The following ZNF385D variants were observed in gnomAD, a reference collection of about 807,000 sequenced individuals.
The protein encoded by ZNF385D is zinc finger protein 659.
In ZNF385D, 15 loss-of-function variants were observed where a neutral mutation model predicts 35.8. The ratio of observed to expected loss-of-function variants is 0.42; its 90% confidence interval spans 0.28 to 0.64. The LOEUF (loss-of-function observed/expected upper bound fraction) is 0.64, where lower values mean the gene tolerates loss of function less well. ZNF385D is among the 30% of genes least tolerant of loss of function. The probability of loss-of-function intolerance (pLI) is 0.23; values close to 1 mark genes in which losing one functional copy is unlikely to be tolerated. For missense variants in ZNF385D, 474 were observed against 494.6 expected (o/e 0.96, Z 0.39); for synonymous variants, 212 against 186.8 (o/e 1.13, Z -1.10).
intron 3 of ZNF385D, among the ~76,000 whole-genome samples, chr3:22,043,621 T>TTCTAGCAGAGGAGAGAGGTAGGTAAC (rs61143518): frequency 0.13 from 20,382 of 151,766 alleles, 1,446 homozygotes; most frequent in South Asian, 0.26. Flanking sequence ...CTGCCTTCTC[T>TTCTAGCAGAGGAGAGAGGTAGGTAAC]TCTAGCAGAG....
chr3:22,058,898 G>A (rs1292522195), intron 3 of ZNF385D, among the ~76,000 whole-genome samples: 1 of 152,172 alleles, frequency 6.6e-6, no homozygotes, highest in Non-Finnish European at 1.5e-5. Context: ...GAAGTTTGGT[G>A]TCTTCTCTTA....
intron 3 of ZNF385D, among the ~76,000 whole-genome samples, chr3:22,118,857 T>C (rs1702941522): frequency 6.6e-6 from 1 of 152,148 alleles, no homozygotes; most frequent in Admixed American, 6.6e-5. Context: ...TTTGAGCATT[T>C]CACATGTACT....
chr3:22,244,966 G>C (rs527869367), intron 2 of ZNF385D, among the ~76,000 whole-genome samples: 1 of 152,116 alleles, frequency 6.6e-6, no homozygotes, highest in South Asian at 2.1e-4. Flanking sequence ...GGCATAGCCT[G>C]GTTCCAAATG....
chr3:22,129,146 A>C (rs945423972), intron 3 of ZNF385D, among the ~76,000 whole-genome samples: 1 of 152,100 alleles, frequency 6.6e-6, no homozygotes, highest in African/African-American at 2.4e-5. Context: ...ATTACATGGG[A>C]GAGTCTCTTG....
At chr3:22,168,681 T>C (rs1559423792) in intron 3 of ZNF385D, 2 of 419,390 alleles carry the variant, frequency 4.8e-6, no homozygotes, top group South Asian at 1.0e-4. Flanking sequence ...TTTAATGTAC[T>C]CTGCTGATAA....
At chr3:21,973,517 G>T (rs111275448) in intron 3 of ZNF385D, among the ~76,000 whole-genome samples, 3 of 151,996 alleles carry the variant, frequency 2.0e-5, no homozygotes, top group African/African-American at 7.2e-5. Flanking sequence ...ATGAGACAAG[G>T]ATGCCCACTT....
chr3:22,130,259 G>C (rs557483512), intron 3 of ZNF385D, among the ~76,000 whole-genome samples: 1 of 152,260 alleles, frequency 6.6e-6, no homozygotes, highest in Admixed American at 6.5e-5. Flanking sequence ...GCCTAAAGTT[G>C]GGAGAAGGGT....
intron 2 of ZNF385D, among the ~76,000 whole-genome samples, chr3:21,613,113 G>A (rs938791806): frequency 2.6e-5 from 4 of 151,374 alleles, no homozygotes; most frequent in African/African-American, 9.7e-5. Context: ...TTCAAGGTGA[G>A]TTAGAAAGTG....
At chr3:22,307,206 G>C (rs1057140806) in intron 2 of ZNF385D, among the ~76,000 whole-genome samples, 1 of 152,142 alleles carries the variant, frequency 6.6e-6, no homozygotes, top group African/African-American at 2.4e-5. Flanking sequence ...TGGTGGGGTG[G>C]GGAGGTGGGA....
intron 2 of ZNF385D, among the ~76,000 whole-genome samples, chr3:22,294,399 T>C (rs1169754807): frequency 6.6e-6 from 1 of 152,112 alleles, no homozygotes; most frequent in Admixed American, 6.6e-5. Context: ...ACTGTTCCTA[T>C]GAATATACTT....
intron 3 of ZNF385D, among the ~76,000 whole-genome samples, chr3:22,140,577 A>G (rs1231270252): frequency 1.3e-5 from 2 of 152,222 alleles, no homozygotes; most frequent in Non-Finnish European, 2.9e-5. Context: ...TTGTAGTTTA[A>G]TAGTATACCA....
intron 3 of ZNF385D, among the ~76,000 whole-genome samples, chr3:21,768,032 C>A (rs529083855): frequency 1.7e-4 from 26 of 152,140 alleles, no homozygotes; most frequent in Non-Finnish European, 3.2e-4. Flanking sequence ...GGAACTGTAA[C>A]AACATGCACT....
chr3:21,412,734 A>T lies in ZNF385D; in HGVS notation c.*8480T>A, dbSNP rs1294373470. 1.3e-5 allele frequency: 2 copies of T among 152,106 alleles called. No homozygotes were observed. The highest frequency in any genetic ancestry group is 4.8e-5 in the African/African-American group (2 of 41,436). The allele number at this position is 152,106 out of a possible 1,614,324, so 9.4% of individuals were successfully genotyped here. A position where few individuals can be genotyped will look rare whatever the true frequency, so the allele number is the denominator to read the frequency against. On this transcript the variant is annotated 3_prime_UTR_variant, in exon 8 of 8. Transcript: ENST00000281523. ...TCACTGGTGTCTTTCTTTTACTAAAACTGAAAATTCATCTTAAAGAATTCC... is the reference window on the plus strand; with the variant it reads ...TCACTGGTGTCTTTCTTTTACTAAATCTGAAAATTCATCTTAAAGAATTCC...
At chr3:22,266,080 C>T (rs150595591) in intron 2 of ZNF385D, among the ~76,000 whole-genome samples, 4 of 152,028 alleles carry the variant, frequency 2.6e-5, no homozygotes, top group African/African-American at 9.6e-5. Context: ...ACTCCTACAG[C>T]CCTGGAATTT....
chr3:21,918,957 CA>C (rs1700324333), intron 3 of ZNF385D, among the ~76,000 whole-genome samples: 1 of 152,130 alleles, frequency 6.6e-6, no homozygotes. Context: ...AGAAAATATT[CA>C]AATCCTTTCT....
chr3:22,057,249 A>G (rs781410335), intron 3 of ZNF385D, among the ~76,000 whole-genome samples: 2 of 152,192 alleles, frequency 1.3e-5, no homozygotes, highest in Non-Finnish European at 2.9e-5. Context: ...CTGTTTATGA[A>G]ATAGAAATTA....
intron 4 of ZNF385D, among the ~76,000 whole-genome samples, chr3:21,459,015 G>A (rs1703001943): frequency 1.3e-5 from 2 of 152,134 alleles, no homozygotes; most frequent in South Asian, 2.1e-4. Context: ...TTACATTCTA[G>A]TTCCTTTGTT....
intron 1 of ZNF385D, among the ~76,000 whole-genome samples, chr3:21,731,821 C>T (rs6796594): frequency 0.67 from 101,388 of 151,822 alleles, 34,199 homozygotes; most frequent in Admixed American, 0.78. Flanking sequence ...CCTTTTCAGA[C>T]TGGATTCTTT....
At chr3:21,972,288 A>C (rs1197497203) in intron 3 of ZNF385D, among the ~76,000 whole-genome samples, 1 of 151,982 alleles carries the variant, frequency 6.6e-6, no homozygotes, top group Non-Finnish European at 1.5e-5. Flanking sequence ...AATCATTTGG[A>C]AAGTAAACAA....
Sources: gnomAD v4.1 joint callset for allele counts (sites outside exome capture counted in the v4.1 genomes callset) on GRCh38, gnomAD v4.1.1 for gene constraint, MANE v1.5 for transcripts, NCBI Gene and HGNC (gene_info 2026-07-23, HGNC 2026-07-21) for gene names.